Variants in SLC38A6 observed in about 807,000 individuals in gnomAD.
SLC38A6 encodes N system amino acid transporter NAT-1.
Under a neutral mutation model 65.0 loss-of-function variants are expected in SLC38A6, and 73 were observed. The observed-to-expected ratio is 1.12, with a 90% CI of 0.93 to 1.37. SLC38A6 has a LOEUF of 1.37. Ranked by LOEUF, SLC38A6 falls within the 40% of genes most tolerant of loss-of-function variation. The pLI is 0.00. For synonymous variants in SLC38A6, 183 were observed against 178.8 expected, an observed-to-expected ratio of 1.02 and a Z score of -0.19; for missense variants, 561 against 531.1, an observed-to-expected ratio of 1.06 and a Z score of -0.55.
intron 6 of SLC38A6, among the ~76,000 whole-genome samples, chr14:61,034,492 T>G (rs1169896586): frequency 6.6e-6 from 1 of 152,134 alleles, no homozygotes; most frequent in Non-Finnish European, 1.5e-5. Context: ...TGGTACTCCT[T>G]TGGGCATTTT....
intron 3 of SLC38A6, among the ~76,000 whole-genome samples, chr14:60,988,195 C>T (rs976983413): frequency 6.6e-6 from 1 of 152,186 alleles, no homozygotes; most frequent in African/African-American, 2.4e-5. Context: ...CTTTATGTCT[C>T]TCATACTAAT....
chr14:61,015,772 T>G, intron 3 of SLC38A6, 132 bp from the exon 4 acceptor site: 2 of 511,710 alleles, frequency 3.9e-6, no homozygotes, highest in Non-Finnish European at 6.4e-6. Flanking sequence ...TCTCATTTTG[T>G]GTTTAGTCCT....
intron 3 of SLC38A6, among the ~76,000 whole-genome samples, chr14:60,994,747 T>TAC (rs1341180719): frequency 6.8e-6 from 1 of 146,952 alleles, no homozygotes; most frequent in Non-Finnish European, 1.5e-5. Context: ...CTCACGCCTG[T>TAC]ACTCCCAGCA....
At chr14:61,048,983 A>C (rs1213444163) in intron 12 of SLC38A6, among the ~76,000 whole-genome samples, 1 of 152,188 alleles carries the variant, frequency 6.6e-6, no homozygotes, top group South Asian at 2.1e-4. Flanking sequence ...TTAGTCTCCT[A>C]CTTAGTCCAA....
chr14:61,069,368 C>T (rs1482728021), intron 15 of SLC38A6, among the ~76,000 whole-genome samples: 1 of 152,116 alleles, frequency 6.6e-6, no homozygotes, highest in African/African-American at 2.4e-5. Flanking sequence ...CCATTAATCC[C>T]AGATAATGGC....
chr14:61,007,537 G>A (rs1183723531), intron 3 of SLC38A6, among the ~76,000 whole-genome samples: 1 of 152,174 alleles, frequency 6.6e-6, no homozygotes, highest in Non-Finnish European at 1.5e-5. Context: ...AGCAACTCCA[G>A]GGGCTGAGGC....
chr14:60,991,452 G>A (rs1188913975), intron 3 of SLC38A6, among the ~76,000 whole-genome samples: 1 of 152,084 alleles, frequency 6.6e-6, no homozygotes, highest in Admixed American at 6.5e-5. Flanking sequence ...GGTAACTGTG[G>A]CACAGAGAGG....
intron 3 of SLC38A6, among the ~76,000 whole-genome samples, chr14:61,010,926 A>G (rs775736799): frequency 5.8e-4 from 88 of 152,150 alleles, no homozygotes; most frequent in Admixed American, 2.9e-3. Flanking sequence ...GAAGAAAGTC[A>G]TTGGTAGCTC....
intron 15 of SLC38A6, among the ~76,000 whole-genome samples, chr14:61,059,489 C>A (rs2042785029): frequency 2.4e-4 from 1 of 4,158 alleles, no homozygotes; most frequent in Non-Finnish European, 4.8e-4. Context: ...GCCGAGAGAT[C>A]CGCTGTTAGT....
chr14:60,999,382 G>A (rs1406100007), intron 3 of SLC38A6, among the ~76,000 whole-genome samples: 1 of 152,150 alleles, frequency 6.6e-6, no homozygotes, highest in Non-Finnish European at 1.5e-5. Context: ...GGAGTGAAAT[G>A]GCCTTTGTGT....
intron 3 of SLC38A6, among the ~76,000 whole-genome samples, chr14:60,986,229 C>G (rs1423367937): frequency 6.6e-6 from 1 of 152,204 alleles, no homozygotes; most frequent in Non-Finnish European, 1.5e-5. Context: ...TAAAACCTGT[C>G]CATCATCAGA....
chr14:61,044,808 A>G (rs1023197266), intron 10 of SLC38A6, among the ~76,000 whole-genome samples: 1 of 152,194 alleles, frequency 6.6e-6, no homozygotes, highest in African/African-American at 2.4e-5. Flanking sequence ...AATGATATTC[A>G]TTCCCATTGA....
intron 3 of SLC38A6, among the ~76,000 whole-genome samples, chr14:61,004,037 A>G (rs182026501): frequency 6.6e-6 from 1 of 152,296 alleles, no homozygotes; most frequent in Admixed American, 6.5e-5. Context: ...AATGTATCCC[A>G]TTATTGTCAG....
At chr14:60,998,368 G>T (rs2139352251) in intron 3 of SLC38A6, among the ~76,000 whole-genome samples, 1 of 152,198 alleles carries the variant, frequency 6.6e-6, no homozygotes, top group East Asian at 1.9e-4. Flanking sequence ...GAGGAGCACA[G>T]TAAAGGAGAG....
At chr14:61,038,383 AT>A (rs2041545251) in intron 8 of SLC38A6, among the ~76,000 whole-genome samples, 2 of 152,030 alleles carry the variant, frequency 1.3e-5, no homozygotes, top group Admixed American at 1.3e-4. Flanking sequence ...TTTGTGTGAA[AT>A]TTTTTAAGTC....
At chr14:61,049,975 A>G (rs1027216786) in intron 12 of SLC38A6, among the ~76,000 whole-genome samples, 2 of 152,176 alleles carry the variant, frequency 1.3e-5, no homozygotes, top group African/African-American at 4.8e-5. Flanking sequence ...TTTTCATAAA[A>G]CATGAATCCA....
chr14:61,000,230 T>C (rs2038610914), intron 3 of SLC38A6, among the ~76,000 whole-genome samples: 1 of 152,226 alleles, frequency 6.6e-6, no homozygotes, highest in Non-Finnish European at 1.5e-5. Flanking sequence ...TAATAAAAGC[T>C]GGATACATGG....
At chr14:60,991,895 G>C (rs2037915810) in intron 3 of SLC38A6, among the ~76,000 whole-genome samples, 1 of 152,124 alleles carries the variant, frequency 6.6e-6, no homozygotes, top group Non-Finnish European at 1.5e-5. Context: ...AGAGAGAAAG[G>C]GATGCCTACC....
intron 2 of SLC38A6, among the ~76,000 whole-genome samples, chr14:60,983,907 G>A (rs750724346): frequency 2.0e-5 from 3 of 152,126 alleles, no homozygotes; most frequent in Non-Finnish European, 4.4e-5. Context: ...ATGCTAAAGT[G>A]TTATTTTGTG....
Sources: allele counts gnomAD v4.1 joint callset (sites outside exome capture counted in the v4.1 genomes callset), GRCh38; gene constraint gnomAD v4.1.1; transcripts MANE v1.5; gene names NCBI Gene and HGNC (gene_info 2026-07-23, HGNC 2026-07-21).